Variants in SLFN12L observed in about 807,000 individuals in gnomAD.
The protein encoded by SLFN12L is schlafen family member 12 like.
SLFN12L carries 34 observed loss-of-function variants against 34.8 expected under a neutral mutation model. The observed-to-expected ratio is 0.98, with a 90% CI of 0.74 to 1.30. The LOEUF (loss-of-function observed/expected upper bound fraction) is 1.30, where lower values mean the gene tolerates loss of function less well. Among genes scored for constraint, SLFN12L ranks in the 50% most tolerant of loss-of-function variants. The pLI is 0.00. For synonymous variants in SLFN12L, 259 were observed against 247.5 expected (o/e 1.05, Z -0.44); for missense variants, 703 against 696.2 (o/e 1.01, Z -0.11).
chr17:35,478,144 C>T lies in SLFN12L; in HGVS notation c.1207G>A (p.Val403Ile). 1 of 1,545,836 alleles carries T rather than the reference C, an allele frequency of 6.5e-7. No individual in the cohort carries two copies. The highest frequency in any genetic ancestry group is 8.8e-7 in the Non-Finnish European group (1 of 1,142,246). The change falls in exon 4 of 5, where the codon GTC becomes ATC. Residue 403 changes from valine to isoleucine, a missense_variant. By Grantham distance (29) the Val-to-Ile change is conservative. Coordinates refer to ENST00000628453, the MANE Select transcript of SLFN12L (RefSeq NM_001363830.2). ...TCACGAAGAGGATAACTCTGGGAGA[C>T]AGGTGATGATGTACTTGCTGGAGAG... ...LPSPASTSSP[V>I]SQSYPLREYI...
intron 1 of SLFN12L, among the ~76,000 whole-genome samples, chr17:35,531,922 A>C (rs2072415165): frequency 6.6e-6 from 1 of 151,924 alleles, no homozygotes; most frequent in South Asian, 2.1e-4. Flanking sequence ...GGTGTGAGCC[A>C]CCCAGCCCGG....
In SLFN12L at chr17:35,535,330, A is replaced by G. The variant is rs942548772; in HGVS notation, c.-606+2243T>C. On this transcript the variant is annotated intron_variant, in intron 1 of 4. Coordinates refer to ENST00000628453, the MANE Select transcript of SLFN12L (RefSeq NM_001363830.2). ...CTCAGCCTCCCTAGTAGCTGGGATTACAGACATGTGCCACCTTGCCTAGCT... is the reference window on the plus strand; with the variant it reads ...CTCAGCCTCCCTAGTAGCTGGGATTGCAGACATGTGCCACCTTGCCTAGCT... Among the ~76,000 whole-genome samples, 35 of 151,382 alleles carry G rather than the reference A, an allele frequency of 2.3e-4. 1 individual carries two copies. The highest frequency in any genetic ancestry group is 8.3e-4 in the African/African-American group (34 of 41,204).
intron 2 of SLFN12L, among the ~76,000 whole-genome samples, chr17:35,493,772 T>C (rs1914933981): frequency 6.6e-6 from 1 of 152,260 alleles, no homozygotes; most frequent in Admixed American, 6.5e-5. Context: ...AGTTGACATG[T>C]AGTCTACTCA....
At chr17:35,514,072 C>A (rs1046891621) in intron 2 of SLFN12L, among the ~76,000 whole-genome samples, 35 of 152,222 alleles carry the variant, frequency 2.3e-4, no homozygotes, top group African/African-American at 7.0e-4. Context: ...TGGACTCCGA[C>A]TCCCTCGTTC....
At chr17:35,477,888 A>T in intron 4 of SLFN12L, 187 bp downstream of exon 4, 1 of 458,906 alleles carries the variant, frequency 2.2e-6, no homozygotes, top group Non-Finnish European at 3.9e-6. Flanking sequence ...CTGAACGAAC[A>T]ATTCTACCCC....
At position 35,474,692 on chromosome 17, in the gene SLFN12L, G is replaced by T. The variant is rs112997469; in HGVS notation, c.*231C>A. 174 of 368,962 alleles carry T rather than the reference G, an allele frequency of 4.7e-4. No individual in the cohort carries two copies. Among genetic ancestry groups the T allele is most frequent in the Non-Finnish European group, 6.2e-4 (126 of 204,688 alleles). 22.9% of individuals were successfully genotyped at this position (368,962 alleles called of 1,614,324 possible). ...CTCCTAGCACTTTGGGAGACCGGGGGGGGGGGTTGAATCACGAGGTCAGGA... is the reference window on the plus strand; with the variant it reads ...CTCCTAGCACTTTGGGAGACCGGGGTGGGGGGTTGAATCACGAGGTCAGGA... On this transcript the variant is annotated 3_prime_UTR_variant, in exon 5 of 5. Transcript: ENST00000628453.
rs777791742 is a variant in SLFN12L, at chr17:35,491,200, T to C, written c.87-11005A>G. The C allele has an allele frequency of 5.6e-6, 6 of 1,064,554 alleles. No individual in the cohort carries two copies. The South Asian group carries it at 7.7e-5, about 14-fold the overall frequency. 65.9% of individuals were successfully genotyped at this position (1,064,554 alleles called of 1,614,324 possible). On this transcript the variant is annotated intron_variant, in intron 2 of 4. Transcript: ENST00000628453. ...CAGCGATCTCTTTGATGCCTATGAT[T>C]TGGAAAAGCTCCCACTGGTGGAAGA...
chr17:35,531,547 T>C (rs2072411144), intron 1 of SLFN12L, among the ~76,000 whole-genome samples: 1 of 152,176 alleles, frequency 6.6e-6, no homozygotes, highest in Non-Finnish European at 1.5e-5. Flanking sequence ...CTTTCAAGTA[T>C]AGCATGCCAT....
chr17:35,508,815 A>C (rs1278104958), intron 2 of SLFN12L, among the ~76,000 whole-genome samples: 1 of 148,442 alleles, frequency 6.7e-6, no homozygotes, highest in Non-Finnish European at 1.5e-5. Flanking sequence ...TGTAAATACA[A>C]AAAATAATAT....
At chr17:35,498,920 C>T (rs962150662) in intron 2 of SLFN12L, 2 of 715,520 alleles carry the variant, frequency 2.8e-6, no homozygotes, top group East Asian at 2.9e-5. Flanking sequence ...TTCTGCAGAA[C>T]GATGCTGCCC....
At chr17:35,497,243 T>C (rs957459870) in intron 2 of SLFN12L, among the ~76,000 whole-genome samples, 7 of 151,912 alleles carry the variant, frequency 4.6e-5, no homozygotes, top group African/African-American at 1.5e-4. Context: ...ATACAAACAT[T>C]AGCTGGGCGT....
At chr17:35,494,929 A>T (rs994015991) in intron 2 of SLFN12L, among the ~76,000 whole-genome samples, 1 of 151,228 alleles carries the variant, frequency 6.6e-6, no homozygotes, top group Admixed American at 6.6e-5. Flanking sequence ...TTATTGAGAC[A>T]GGGTCTCCCT....
intron 4 of SLFN12L, among the ~76,000 whole-genome samples, 173 bp from the exon 5 acceptor site, chr17:35,475,658 G>A (rs1342610382): frequency 6.6e-6 from 1 of 152,100 alleles, no homozygotes; most frequent in Admixed American, 6.6e-5. Context: ...CAACACTTTG[G>A]GAGGCAGAGG....
At chr17:35,482,675 C>T (rs1457760188) in intron 2 of SLFN12L, among the ~76,000 whole-genome samples, 6 of 152,206 alleles carry the variant, frequency 3.9e-5, no homozygotes, top group Non-Finnish European at 8.8e-5. Flanking sequence ...TTCTCCTTCT[C>T]CCTGCTGTCG....
At chr17:35,504,056 C>G (rs1333338645) in intron 2 of SLFN12L, among the ~76,000 whole-genome samples, 1 of 152,246 alleles carries the variant, frequency 6.6e-6, no homozygotes, top group East Asian at 1.9e-4. Context: ...TTCTGACCAT[C>G]TAGTTATTAA....
In SLFN12L at chr17:35,475,091, C is replaced by T. The variant is rs750552108; in HGVS notation, c.1671G>A (p.Ser557=). The T allele has an allele frequency of 1.7e-5, 28 of 1,613,930 alleles. No homozygotes were observed. The highest frequency in any genetic ancestry group is 6.6e-5 in the South Asian group (6 of 91,084). The change falls in exon 5 of 5, where the codon TCG becomes TCA. Residue 557 remains serine, a synonymous_variant. Coordinates refer to ENST00000628453, the MANE Select transcript of SLFN12L (RefSeq NM_001363830.2). The stretch of plus-strand genomic sequence containing the variant: ...AGTAGGATTCAGGGTAAATTACTTG[C>T]GAGTTTAAATCATACTGGCAGCTTG... The part of the protein sequence containing the change: ...GKTSCQYDLN[S]QVIYPESYYW...
intron 2 of SLFN12L, among the ~76,000 whole-genome samples, chr17:35,513,769 G>T (rs1485263888): frequency 6.6e-6 from 1 of 152,110 alleles, no homozygotes; most frequent in South Asian, 2.1e-4. Context: ...AAAGCAAAAC[G>T]CAGCAAACAT....
chr17:35,490,565 A>T (rs1914796832), intron 2 of SLFN12L: 1 of 829,510 alleles, frequency 1.2e-6, no homozygotes, highest in Non-Finnish European at 2.1e-6. Context: ...CTGTCTGCGG[A>T]TGGGGGCATG....
At chr17:35,524,432 A>G (rs1448393379) in intron 1 of SLFN12L, among the ~76,000 whole-genome samples, 3 of 152,202 alleles carry the variant, frequency 2.0e-5, no homozygotes, top group African/African-American at 7.2e-5. Flanking sequence ...CAATTGGGAG[A>G]CACCTCCCAG....
Sources: allele counts gnomAD v4.1 joint callset (sites outside exome capture counted in the v4.1 genomes callset), GRCh38; gene constraint gnomAD v4.1.1; transcripts MANE v1.5; gene names NCBI Gene and HGNC (gene_info 2026-07-23, HGNC 2026-07-21).